Variants in GOLIM4 observed in about 807,000 individuals in gnomAD.
GOLIM4 encodes the protein golgi integral membrane protein 4, also known as 130 kDa golgi-localized phosphoprotein.
GOLIM4 carries 71 observed loss-of-function variants against 107.4 expected under a neutral mutation model. That is an observed-to-expected ratio of 0.66 (90% CI 0.55 to 0.81). The LOEUF (loss-of-function observed/expected upper bound fraction) is 0.81, where lower values mean the gene tolerates loss of function less well. Among genes scored for constraint, GOLIM4 ranks in the 30% least tolerant of loss-of-function variants. The pLI is 0.00. For synonymous variants in GOLIM4, 327 were observed against 294.8 expected (o/e 1.11, Z -1.12); for missense variants, 830 against 826.1 (o/e 1.00, Z -0.06).
intron 1 of GOLIM4, among the ~76,000 whole-genome samples, chr3:168,068,342 T>C (rs1012661458): frequency 5.3e-5 from 8 of 152,218 alleles, no homozygotes. Flanking sequence ...TGACAAATAC[T>C]GCTCATTCAA....
At chr3:168,038,888 A>G (rs1322240669) in intron 7 of GOLIM4, among the ~76,000 whole-genome samples, 1 of 152,226 alleles carries the variant, frequency 6.6e-6, no homozygotes, top group Non-Finnish European at 1.5e-5. Flanking sequence ...GAAGCCCTAC[A>G]GAATGGGATT....
chr3:168,078,467 C>T (rs1323666776), intron 1 of GOLIM4, among the ~76,000 whole-genome samples: 1 of 152,064 alleles, frequency 6.6e-6, no homozygotes, highest in South Asian at 2.1e-4. Flanking sequence ...AATTCTTATT[C>T]TCATCACTGT....
chr3:168,047,818 A>G (rs2108252443), intron 2 of GOLIM4, among the ~76,000 whole-genome samples: 1 of 152,296 alleles, frequency 6.6e-6, no homozygotes, highest in Admixed American at 6.5e-5. Context: ...AACTTTCACA[A>G]GGTAAAAACA....
chr3:168,075,405 T>G (rs903284955), intron 1 of GOLIM4, among the ~76,000 whole-genome samples: 3 of 146,740 alleles, frequency 2.0e-5, no homozygotes, highest in African/African-American at 7.5e-5. Flanking sequence ...CACGCCATTC[T>G]CCTGCCTCAG....
At chr3:168,016,891 G>A (rs1336441010) in intron 14 of GOLIM4, among the ~76,000 whole-genome samples, 6 of 138,566 alleles carry the variant, frequency 4.3e-5, no homozygotes, top group Admixed American at 4.1e-4. Context: ...GGGGACTGTG[G>A]TGGGGTGGAG....
At chr3:168,076,372 T>C (rs1721084552) in intron 1 of GOLIM4, among the ~76,000 whole-genome samples, 1 of 152,194 alleles carries the variant, frequency 6.6e-6, no homozygotes, top group African/African-American at 2.4e-5. Flanking sequence ...GTTTCTTTGT[T>C]TTTAATCCAC....
intron 1 of GOLIM4, among the ~76,000 whole-genome samples, chr3:168,065,870 T>A (rs1226483522): frequency 2.0e-5 from 3 of 152,222 alleles, no homozygotes; most frequent in Admixed American, 1.3e-4. Context: ...CTGAAAAGTA[T>A]TTCATAACTA....
At chr3:168,069,850 G>A (rs1720748739) in intron 1 of GOLIM4, among the ~76,000 whole-genome samples, 1 of 152,122 alleles carries the variant, frequency 6.6e-6, no homozygotes, top group Non-Finnish European at 1.5e-5. Context: ...AGTGATTTAT[G>A]TCACTTCTAT....
intron 14 of GOLIM4, among the ~76,000 whole-genome samples, chr3:168,022,668 G>A (rs1445581655): frequency 1.3e-5 from 2 of 152,120 alleles, no homozygotes; most frequent in African/African-American, 2.4e-5. Flanking sequence ...AGGGACACTC[G>A]GGGGCAGAGA....
chr3:168,088,983 C>G (rs1577582138), intron 1 of GOLIM4, among the ~76,000 whole-genome samples: 1 of 152,316 alleles, frequency 6.6e-6, no homozygotes, highest in East Asian at 1.9e-4. Context: ...CACCAGTACT[C>G]TCATTAGAGT....
intron 1 of GOLIM4, among the ~76,000 whole-genome samples, chr3:168,080,099 AG>A (rs1721274078): frequency 6.6e-6 from 1 of 152,192 alleles, no homozygotes; most frequent in African/African-American, 2.4e-5. Flanking sequence ...AATAACAAAA[AG>A]TTTCAAGAAT....
intron 3 of GOLIM4, among the ~76,000 whole-genome samples, chr3:168,045,930 G>A (rs146644776): frequency 8.5e-5 from 13 of 152,258 alleles, no homozygotes; most frequent in African/African-American, 3.1e-4. Flanking sequence ...TGTCCAGGCT[G>A]GAGTAGAGTG....
rs1445214760 is a variant in GOLIM4, at chr3:168,095,299, C to G, written c.-14G>C. On this transcript the variant is annotated 5_prime_UTR_variant, in exon 1 of 16. Coordinates refer to ENST00000470487, the MANE Select transcript of GOLIM4 (RefSeq NM_014498.5). ...CCCGTTTCCCATAGTCCCGCCTGGA[C>G]CCAAAGCCGCGGCCGCCCCCGCCGT... The G allele has an allele frequency of 6.8e-6, 11 of 1,608,174 alleles. No homozygotes were observed. Among genetic ancestry groups the G allele is most frequent in the Middle Eastern group, 1.8e-4 (1 of 5,454 alleles).
chr3:168,018,949 C>A (rs1172820226), intron 14 of GOLIM4, among the ~76,000 whole-genome samples: 1 of 150,798 alleles, frequency 6.6e-6, no homozygotes, highest in Admixed American at 6.6e-5. Flanking sequence ...GCCATAAGGT[C>A]TCTCACAATA....
At chr3:168,052,614 T>C (rs1053577659) in intron 1 of GOLIM4, among the ~76,000 whole-genome samples, 1 of 152,192 alleles carries the variant, frequency 6.6e-6, no homozygotes, top group African/African-American at 2.4e-5. Context: ...GTACCTCTTT[T>C]AGAAAACTTC....
chr3:168,026,717 T>C (rs941594305), intron 12 of GOLIM4, among the ~76,000 whole-genome samples: 1 of 152,338 alleles, frequency 6.6e-6, no homozygotes, highest in East Asian at 1.9e-4. Context: ...CTCTCAAGTA[T>C]TAGCCTTTTC....
intron 14 of GOLIM4, 57 bp from the exon 15 acceptor site, chr3:168,010,880 A>T (rs1716972862): frequency 9.6e-6 from 11 of 1,150,874 alleles, no homozygotes; most frequent in Non-Finnish European, 1.4e-5. Context: ...ACTTGCGATA[A>T]TATATTTTGA....
intron 1 of GOLIM4, among the ~76,000 whole-genome samples, chr3:168,081,580 G>C (rs1721368845): frequency 6.6e-6 from 1 of 152,170 alleles, no homozygotes; most frequent in Non-Finnish European, 1.5e-5. Context: ...GATTGTGTGA[G>C]TAAGAGCCCG....
Position 168,010,840 on chromosome 3 carries a change from A to T in GOLIM4, c.1861-17T>A. The T allele has an allele frequency of 6.5e-7, 1 of 1,548,336 alleles. No homozygotes were observed. On this transcript the variant is annotated splice_polypyrimidine_tract_variant and intron_variant, in intron 14 of 15. Transcript: ENST00000470487. ...TTCCTGAACCTAAAACAAACCACAG[A>T]TATCATTTAAACACTTTTGTCTTTC... is the stretch of plus-strand genomic sequence containing the variant.
Sources: gnomAD v4.1 joint callset for allele counts (sites outside exome capture counted in the v4.1 genomes callset) on GRCh38, gnomAD v4.1.1 for gene constraint, MANE v1.5 for transcripts, NCBI Gene and HGNC (gene_info 2026-07-23, HGNC 2026-07-21) for gene names.